CDH18: variants seen among roughly 807,000 people sequenced by gnomAD.
The protein encoded by CDH18 is cadherin 18.
CDH18 carries 31 observed loss-of-function variants against 67.9 expected under a neutral mutation model. That is an observed-to-expected ratio of 0.46 (90% confidence interval 0.34 to 0.62). CDH18 has a LOEUF of 0.62. Among genes scored for constraint, CDH18 ranks in the 20% least tolerant of loss-of-function variants. The pLI is 0.01. For synonymous variants in CDH18, 362 were observed against 347.2 expected (o/e 1.04, Z -0.48); for missense variants, 890 against 975.5 (o/e 0.91, Z 1.17).
At chr5:20,438,930 G>C (rs1011282696) in intron 1 of CDH18, among the ~76,000 whole-genome samples, 1 of 151,422 alleles carries the variant, frequency 6.6e-6, no homozygotes, top group Non-Finnish European at 1.5e-5. Context: ...AATGAAAATA[G>C]TGAAATACAC....
intron 3 of CDH18, among the ~76,000 whole-genome samples, chr5:19,824,794 A>G (rs1046912633): frequency 2.0e-5 from 3 of 152,072 alleles, no homozygotes; most frequent in African/African-American, 4.8e-5. Context: ...GGGTGACCCA[A>G]TCCAACCCTG....
chr5:20,198,956 AG>A (rs1371427821), intron 2 of CDH18, among the ~76,000 whole-genome samples: 5 of 152,190 alleles, frequency 3.3e-5, no homozygotes, highest in African/African-American at 9.7e-5. Flanking sequence ...ACAATAATTG[AG>A]GTTTGGGAAC....
intron 2 of CDH18, among the ~76,000 whole-genome samples, chr5:20,042,178 A>G (rs1740485887): frequency 6.6e-6 from 1 of 152,232 alleles, no homozygotes; most frequent in Admixed American, 6.5e-5. Flanking sequence ...GATGAGGAGT[A>G]GCCTCTTAAT....
At chr5:20,166,376 G>A (rs552208414) in intron 2 of CDH18, among the ~76,000 whole-genome samples, 1 of 144,952 alleles carries the variant, frequency 6.9e-6, no homozygotes, top group South Asian at 2.2e-4. Flanking sequence ...GGGGATGGAG[G>A]TTGTAGTGAG....
chr5:20,550,638 C>T (rs964328790), intron 1 of CDH18, among the ~76,000 whole-genome samples: 1 of 152,068 alleles, frequency 6.6e-6, no homozygotes, highest in Non-Finnish European at 1.5e-5. Flanking sequence ...AGTTAGAGCC[C>T]TAATAAGAAA....
intron 11 of CDH18, among the ~76,000 whole-genome samples, chr5:19,501,724 A>G (rs1046901461): frequency 6.6e-6 from 1 of 152,186 alleles, no homozygotes; most frequent in Admixed American, 6.5e-5. Context: ...CAACTGAAAC[A>G]TAAGTACATG....
At chr5:19,722,562 A>G (rs1435791361) in intron 4 of CDH18, among the ~76,000 whole-genome samples, 2 of 147,582 alleles carry the variant, frequency 1.4e-5, no homozygotes, top group Admixed American at 6.7e-5. Context: ...AGATACACCT[A>G]TATAATATTT....
intron 8 of CDH18, among the ~76,000 whole-genome samples, chr5:19,557,291 A>G (rs141484736): frequency 3.0e-4 from 46 of 152,264 alleles, no homozygotes; most frequent in Admixed American, 2.1e-3. Context: ...TTACATCTCA[A>G]TACTAACATT....
chr5:19,590,534 A>G (rs1744947297), intron 7 of CDH18, among the ~76,000 whole-genome samples: 1 of 152,108 alleles, frequency 6.6e-6, no homozygotes, highest in South Asian at 2.1e-4. Flanking sequence ...AGATAGATAG[A>G]TAGACAACAG....
chr5:20,199,257 C>T (rs1739244737), intron 2 of CDH18, among the ~76,000 whole-genome samples: 1 of 152,302 alleles, frequency 6.6e-6, no homozygotes, highest in Non-Finnish European at 1.5e-5. Flanking sequence ...GGGGGCTGTA[C>T]CCTGCAAAGC....
chr5:19,569,828 A>G (rs1741061585), intron 8 of CDH18, among the ~76,000 whole-genome samples: 1 of 152,164 alleles, frequency 6.6e-6, no homozygotes, highest in Non-Finnish European at 1.5e-5. Flanking sequence ...GAATTTCACA[A>G]CTACCCTGAT....
intron 3 of CDH18, among the ~76,000 whole-genome samples, chr5:19,751,762 A>G (rs533278411): frequency 6.6e-6 from 1 of 152,244 alleles, no homozygotes. Flanking sequence ...CAATAAATGT[A>G]TAAAAGGTTA....
At chr5:19,538,732 G>A (rs1749792226) in intron 9 of CDH18, among the ~76,000 whole-genome samples, 1 of 151,918 alleles carries the variant, frequency 6.6e-6, no homozygotes, top group African/African-American at 2.4e-5. Context: ...CTCACAAGAA[G>A]GAAGGAGCAC....
chr5:20,552,177 TAA>T (rs536817145), intron 1 of CDH18, among the ~76,000 whole-genome samples: 3 of 144,290 alleles, frequency 2.1e-5, no homozygotes, highest in African/African-American at 2.5e-5. Flanking sequence ...TTGGTTTCAT[TAA>T]AAAAAAAAAG....
chr5:19,796,834 T>C (rs1037954805), intron 3 of CDH18, among the ~76,000 whole-genome samples: 2 of 151,998 alleles, frequency 1.3e-5, no homozygotes, highest in Non-Finnish European at 2.9e-5. Flanking sequence ...TATGTGTAGA[T>C]GGTTAAAAGT....
chr5:19,889,239 T>A (rs537346896), intron 2 of CDH18, among the ~76,000 whole-genome samples: 11 of 152,230 alleles, frequency 7.2e-5, no homozygotes, highest in African/African-American at 2.6e-4. Flanking sequence ...CTCATGGATA[T>A]GGATGGCCAT....
intron 1 of CDH18, among the ~76,000 whole-genome samples, chr5:20,298,042 G>C (rs572886866): frequency 1.4e-4 from 21 of 152,114 alleles, no homozygotes; most frequent in African/African-American, 4.6e-4. Context: ...CTAACTAGCC[G>C]TAAGACTTTT....
At position 19,639,244 on chromosome 5, in the gene CDH18, T is replaced by C. The variant is rs1753691780; in HGVS notation, c.644-26643A>G. 2.6e-5 allele frequency among the ~76,000 whole-genome samples: 4 copies of C among 152,226 alleles called. No individual in the cohort carries two copies. The South Asian group carries it at 8.3e-4, about 32-fold the overall frequency. On this transcript the variant is annotated intron_variant, in intron 5 of 12. Transcript: ENST00000382275. Reference sequence around the variant, plus strand: ...GTCTCTATCTCCTAATCTCGTGATCTGCCTGCCTCGGCCTCCCAAATACTG... The same window carrying C: ...GTCTCTATCTCCTAATCTCGTGATCCGCCTGCCTCGGCCTCCCAAATACTG...
Position 19,514,455 on chromosome 5 carries a change from C to A in CDH18, c.1512+6202G>T, listed in dbSNP as rs1745627330. Among the ~76,000 whole-genome samples the A allele has an allele frequency of 2.0e-5, 3 of 152,310 alleles. No homozygotes were observed. The South Asian group carries it at 6.2e-4, about 32-fold the overall frequency. On this transcript the variant is annotated intron_variant, in intron 10 of 12. Coordinates refer to ENST00000382275, the MANE Select transcript of CDH18 (RefSeq NM_004934.5). ...CACAATGGTTGAACTAGTTTACATT[C>A]CCATCAACAGTGTAAAAGTGTTCCT... is the stretch of plus-strand genomic sequence containing the variant.
Sources: gnomAD v4.1 joint callset for allele counts (sites outside exome capture counted in the v4.1 genomes callset) on GRCh38, gnomAD v4.1.1 for gene constraint, MANE v1.5 for transcripts, NCBI Gene and HGNC (gene_info 2026-07-23, HGNC 2026-07-21) for gene names.